Variants in NOX4 observed in about 807,000 individuals in gnomAD.
The protein encoded by NOX4 is kidney oxidase-1.
NOX4 carries 69 observed loss-of-function variants against 87.6 expected under a neutral mutation model. The ratio of observed to expected loss-of-function variants is 0.79; its 90% CI spans 0.65 to 0.96. NOX4 has a LOEUF of 0.96. Ranked by LOEUF, NOX4 falls within the 40% of genes least tolerant of loss-of-function variation. The pLI is 0.00. For synonymous variants in NOX4, 275 were observed against 238.2 expected, an observed-to-expected ratio of 1.15 and a Z score of -1.42; for missense variants, 680 against 681.5, an observed-to-expected ratio of 1.00 and a Z score of 0.02.
At chr11:89,354,540 G>A (rs544797368) in intron 13 of NOX4, among the ~76,000 whole-genome samples, 2 of 152,238 alleles carry the variant, frequency 1.3e-5, no homozygotes, top group East Asian at 3.9e-4. Context: ...TGTAGAGATT[G>A]TCAAAAATCA....
At chr11:89,478,282 T>G (rs947345179) in intron 2 of NOX4, among the ~76,000 whole-genome samples, 2 of 152,206 alleles carry the variant, frequency 1.3e-5, no homozygotes, top group East Asian at 3.9e-4. Flanking sequence ...TAAGTCAAAA[T>G]GTTTCTATAT....
the NOX4 span, among the ~76,000 whole-genome samples, chr11:89,546,947 A>C: frequency 0.36 from 54,432 of 152,088 alleles, 9,890 homozygotes; most frequent in Middle Eastern, 0.41. Context: ...TTCAAACCAT[A>C]GCAGTTTCTA....
At chr11:89,484,418 G>A (rs776544996) in intron 2 of NOX4, among the ~76,000 whole-genome samples, 4 of 151,936 alleles carry the variant, frequency 2.6e-5, no homozygotes, top group Non-Finnish European at 5.9e-5. Flanking sequence ...AATCATTTTC[G>A]CTAGCTTCTT....
intron 3 of NOX4, 52 bp downstream of exon 3, chr11:89,451,733 G>C (rs1944970309): frequency 1.6e-6 from 2 of 1,239,504 alleles, no homozygotes; most frequent in African/African-American, 1.5e-5. Context: ...ACATGCGACT[G>C]TTACACTTGA....
At position 89,444,146 on chromosome 11, in the gene NOX4, A is replaced by T; in HGVS notation, c.436T>A (p.Tyr146Asn). Residue 146 changes from tyrosine to asparagine, a missense_variant, in exon 5 of 18, where the codon TAC (tyrosine) becomes AAC (asparagine). Physicochemically the swap from Tyr to Asn is moderately radical, Grantham distance 143. Coordinates refer to ENST00000263317, the MANE Select transcript of NOX4 (RefSeq NM_016931.5). ...EDFVELNAAR[Y>N]RDEDPRKLLF... Reference sequence around the variant, plus strand: ...CAGAGACCACCCACCTCATCTCGGTATCTTGCTGCATTCAGTTCAACAAAG... The same window carrying T: ...CAGAGACCACCCACCTCATCTCGGTTTCTTGCTGCATTCAGTTCAACAAAG... The T allele has an allele frequency of 6.2e-7, 1 of 1,613,492 alleles. No individual in the cohort carries two copies. Among genetic ancestry groups the T allele is most frequent in the Non-Finnish European group, 8.5e-7 (1 of 1,179,612 alleles).
At chr11:89,537,012 A>G in the NOX4 span, among the ~76,000 whole-genome samples, 3 of 152,228 alleles carry the variant, frequency 2.0e-5, no homozygotes, top group Admixed American at 6.5e-5. Context: ...AAATGGGATT[A>G]TGCCCACTTC....
At chr11:89,494,244 A>G (rs1356720252), upstream of NOX4, among the ~76,000 whole-genome samples, 1 of 152,236 alleles carries the variant, frequency 6.6e-6, no homozygotes, top group Non-Finnish European at 1.5e-5. Context: ...TGGCTGAAAT[A>G]ATGGTAAGCT....
At chr11:89,433,227 C>T (rs888789747) in intron 6 of NOX4, among the ~76,000 whole-genome samples, 8 of 152,022 alleles carry the variant, frequency 5.3e-5, no homozygotes, top group African/African-American at 1.9e-4. Context: ...TACATTATTG[C>T]TTACTATAGT....
intron 2 of NOX4, among the ~76,000 whole-genome samples, chr11:89,461,496 T>C (rs1023392629): frequency 4.0e-5 from 6 of 151,324 alleles, no homozygotes; most frequent in Non-Finnish European, 5.9e-5. Context: ...TACAAAAAAA[T>C]TGACCGGGTG....
chr11:89,467,589 T>C (rs1312646871), intron 2 of NOX4, among the ~76,000 whole-genome samples: 1 of 152,112 alleles, frequency 6.6e-6, no homozygotes, highest in African/African-American at 2.4e-5. Flanking sequence ...GCTAGCATCC[T>C]CACATGGTCA....
At chr11:89,443,232 G>A (rs1048227861) in intron 5 of NOX4, among the ~76,000 whole-genome samples, 1 of 152,072 alleles carries the variant, frequency 6.6e-6, no homozygotes, top group African/African-American at 2.4e-5. Context: ...TTCTGAATTT[G>A]TTGTTACTTT....
intron 7 of NOX4, among the ~76,000 whole-genome samples, chr11:89,424,392 T>TA (rs1943259954): frequency 6.6e-6 from 1 of 150,880 alleles, no homozygotes; most frequent in Admixed American, 6.6e-5. Context: ...CCAGAAAAAG[T>TA]AGATATATCT....
intron 8 of NOX4, among the ~76,000 whole-genome samples, chr11:89,412,971 T>C (rs1026071090): frequency 6.6e-6 from 1 of 151,768 alleles, no homozygotes; most frequent in African/African-American, 2.4e-5. Flanking sequence ...ATAACTCAAA[T>C]AGTTATGTAA....
At chr11:89,579,745 G>A in the NOX4 span, among the ~76,000 whole-genome samples, 29 of 152,154 alleles carry the variant, frequency 1.9e-4, no homozygotes, top group Admixed American at 1.8e-3. Flanking sequence ...AGGGGTTATA[G>A]GGAACTTTGT....
intron 1 of NOX4, 37 bp from the exon 2 acceptor site, chr11:89,490,590 T>G: frequency 2.1e-6 from 3 of 1,438,864 alleles, no homozygotes; most frequent in Non-Finnish European, 2.9e-6. Flanking sequence ...AAAACAAAAA[T>G]TGAAAATAAT....
intron 7 of NOX4, among the ~76,000 whole-genome samples, chr11:89,429,387 C>A (rs144732154): frequency 1.2e-3 from 189 of 152,018 alleles, no homozygotes; most frequent in South Asian, 9.1e-3. Flanking sequence ...GACAGAGACA[C>A]AAAAAACCCT....
chr11:89,395,921 T>C (rs897922196), intron 11 of NOX4, among the ~76,000 whole-genome samples: 3 of 152,180 alleles, frequency 2.0e-5, no homozygotes, highest in East Asian at 3.9e-4. Context: ...GTAGCATAGT[T>C]TGAAGTCAGG....
chr11:89,442,247 T>G (rs755908482), intron 5 of NOX4, among the ~76,000 whole-genome samples: 1 of 151,412 alleles, frequency 6.6e-6, no homozygotes, highest in Non-Finnish European at 1.5e-5. Flanking sequence ...TCCCTTAGAT[T>G]GGGAAAAAAA....
At chr11:89,365,649 G>A (rs948923375) in intron 12 of NOX4, among the ~76,000 whole-genome samples, 7 of 146,220 alleles carry the variant, frequency 4.8e-5, no homozygotes, top group Admixed American at 1.4e-4. Context: ...TCAAGACTCA[G>A]CTCCATACTA....
Sources: gnomAD v4.1 joint callset for allele counts (sites outside exome capture counted in the v4.1 genomes callset) on GRCh38, gnomAD v4.1.1 for gene constraint, MANE v1.5 for transcripts, NCBI Gene and HGNC (gene_info 2026-07-23, HGNC 2026-07-21) for gene names.